The following ZSCAN5A variants were observed in gnomAD, a reference collection of about 807,000 sequenced individuals.
ZSCAN5A encodes the protein zinc finger and SCAN domain-containing protein 5A.
Under a neutral mutation model 23.7 loss-of-function variants are expected in ZSCAN5A, and 12 were observed. That is an observed-to-expected ratio of 0.51 (90% confidence interval 0.32 to 0.82). The LOEUF is 0.82. ZSCAN5A is among the 40% of genes least tolerant of loss of function. The pLI is 0.03. For synonymous variants in ZSCAN5A, 257 were observed against 239.9 expected (o/e 1.07, Z -0.66); for missense variants, 597 against 617.9 (o/e 0.97, Z 0.36).
At chr19:56,335,244 GAAAA>G (rs34944246) in intron 2 of ZSCAN5A, among the ~76,000 whole-genome samples, 2 of 146,952 alleles carry the variant, frequency 1.4e-5, no homozygotes, top group African/African-American at 4.9e-5. Context: ...GACAAGGATA[GAAAA>G]AAAAAAAAGA....
At chr19:56,275,069 A>G (rs570961576) in intron 2 of ZSCAN5A, among the ~76,000 whole-genome samples, 39 of 152,330 alleles carry the variant, frequency 2.6e-4, no homozygotes, top group Non-Finnish European at 4.4e-4. Flanking sequence ...CAGGGACCAC[A>G]TGATGTTGAT....
At chr19:56,367,975 C>T (rs376597588) in intron 1 of ZSCAN5A, 38 of 152,488 alleles carry the variant, frequency 2.5e-4, no homozygotes, top group East Asian at 2.3e-3. Flanking sequence ...ATCATAGGCC[C>T]TTCCCCCCCT....
chr19:56,344,580 G>A (rs1472867542), intron 2 of ZSCAN5A, among the ~76,000 whole-genome samples: 1 of 152,012 alleles, frequency 6.6e-6, no homozygotes, highest in African/African-American at 2.4e-5. Context: ...AGACCATCCT[G>A]GCTAACACGG....
At chr19:56,362,500 C>T (rs191988286) in intron 2 of ZSCAN5A, among the ~76,000 whole-genome samples, 6 of 152,104 alleles carry the variant, frequency 3.9e-5, no homozygotes, top group Non-Finnish European at 8.8e-5. Flanking sequence ...GCCCAGGAGG[C>T]AGAGGTTGCA....
intron 2 of ZSCAN5A, chr19:56,297,764 T>A (rs183175678): frequency 6.6e-6 from 1 of 152,404 alleles, no homozygotes; most frequent in East Asian, 1.9e-4. Context: ...GTGGGAGACA[T>A]TTCTATCCCA....
chr19:56,242,478 T>C (rs1379516204), intron 2 of ZSCAN5A, among the ~76,000 whole-genome samples: 1 of 152,138 alleles, frequency 6.6e-6, no homozygotes, highest in Non-Finnish European at 1.5e-5. Flanking sequence ...TGGGTTGTCT[T>C]CCCCCTCTGC....
rs761021820 is a variant in ZSCAN5A at position 56,246,515 on chromosome 19, G to C, written c.-127-21342C>G. 1.5e-5 allele frequency: 10 copies of C among 661,396 alleles called. No individual in the cohort carries two copies. In the East Asian group the frequency reaches 2.6e-4, roughly 17 times the overall value. 41.0% of individuals were successfully genotyped at this position (661,396 alleles called of 1,614,324 possible). A position where few individuals can be genotyped will look rare whatever the true frequency, so the allele number is the denominator to read the frequency against. On this transcript the variant is annotated intron_variant, in intron 2 of 5. Transcript: ENST00000683990. Reference sequence around the variant, plus strand: ...CAGGGGTTAGCCCCTCTCTTCTGGGGTGTGGGGCTGGGGTCCCAGCATTAT... The same window carrying C: ...CAGGGGTTAGCCCCTCTCTTCTGGGCTGTGGGGCTGGGGTCCCAGCATTAT...
At chr19:56,319,288 G>A (rs1430031581), upstream of ZSCAN5A, among the ~76,000 whole-genome samples, 1 of 151,928 alleles carries the variant, frequency 6.6e-6, no homozygotes, top group Non-Finnish European at 1.5e-5. Context: ...ACGAGGTCAG[G>A]AGTTTGAGAC....
At chr19:56,272,888 G>A (rs1242818226) in intron 2 of ZSCAN5A, 1 of 985,260 alleles carries the variant, frequency 1.0e-6, no homozygotes, top group Admixed American at 6.1e-5. Context: ...TGCTTTTCCT[G>A]GGATTGGCAG....
At chr19:56,281,911 A>G (rs1033395862) in intron 2 of ZSCAN5A, among the ~76,000 whole-genome samples, 1 of 152,222 alleles carries the variant, frequency 6.6e-6, no homozygotes, top group Non-Finnish European at 1.5e-5. Context: ...GAGGAGGCCA[A>G]CAAGCCTCTG....
chr19:56,300,624 T>C (rs1441432608), intron 2 of ZSCAN5A, among the ~76,000 whole-genome samples: 1 of 152,118 alleles, frequency 6.6e-6, no homozygotes, highest in Non-Finnish European at 1.5e-5. Flanking sequence ...AGAGAGAGAC[T>C]TGCAATGGCA....
intron 2 of ZSCAN5A, chr19:56,272,836 T>C (rs2037952523): frequency 1.0e-6 from 1 of 984,736 alleles, no homozygotes; most frequent in Admixed American, 6.1e-5. Flanking sequence ...AGCCCCATCA[T>C]GCACAGATCA....
intron 2 of ZSCAN5A, among the ~76,000 whole-genome samples, chr19:56,259,107 T>C (rs546350709): frequency 6.6e-6 from 1 of 152,326 alleles, no homozygotes; most frequent in South Asian, 2.1e-4. Context: ...ACAGAGATAC[T>C]AAAAGCACTG....
rs1296155823 is a variant in ZSCAN5A, at chr19:56,352,639, G to C, written c.-358+10596C>G. Among the ~76,000 whole-genome samples the C allele has an allele frequency of 6.6e-6, 1 of 152,242 alleles. No homozygotes were observed. The highest frequency in any genetic ancestry group is 1.5e-5 in the Non-Finnish European group (1 of 68,038). On this transcript the variant is annotated intron_variant, in intron 2 of 6. Transcript: ENST00000587340. The surrounding 1 kb of genome is among the most constrained non-coding windows in gnomAD (Gnocchi z 4.2). ...GACAATTATCAAAGTAAGGCGGTCAGTGGGTGGGAAATTACAAAGAACAAC... is the reference window on the plus strand; with the variant it reads ...GACAATTATCAAAGTAAGGCGGTCACTGGGTGGGAAATTACAAAGAACAAC...
At chr19:56,336,354 T>C (rs2041536137) in intron 2 of ZSCAN5A, among the ~76,000 whole-genome samples, 1 of 152,176 alleles carries the variant, frequency 6.6e-6, no homozygotes, top group African/African-American at 2.4e-5. Flanking sequence ...TTGCTGATAC[T>C]CTTTCTTCCA....
intron 2 of ZSCAN5A, among the ~76,000 whole-genome samples, chr19:56,325,327 C>A (rs569937418): frequency 6.6e-6 from 1 of 152,330 alleles, no homozygotes; most frequent in African/African-American, 2.4e-5. Flanking sequence ...TCCCCAGAAA[C>A]TGTCTTCCTT....
chr19:56,326,653 A>G (rs1338115695), intron 2 of ZSCAN5A, among the ~76,000 whole-genome samples: 1 of 152,132 alleles, frequency 6.6e-6, no homozygotes, highest in Non-Finnish European at 1.5e-5. Flanking sequence ...TGGGCGATTA[A>G]CTGCAAATGA....
chr19:56,271,110 TA>T (rs1372297227), intron 2 of ZSCAN5A, among the ~76,000 whole-genome samples: 1 of 152,252 alleles, frequency 6.6e-6, no homozygotes, highest in African/African-American at 2.4e-5. Flanking sequence ...GCTGTGCTGG[TA>T]ATGAGGCTGC....
intron 2 of ZSCAN5A, among the ~76,000 whole-genome samples, chr19:56,329,866 A>T (rs1011667291): frequency 2.6e-5 from 4 of 152,316 alleles, no homozygotes; most frequent in Admixed American, 6.5e-5. Flanking sequence ...AGGTTCATGG[A>T]ATACATGAGT....
Sources: allele counts gnomAD v4.1 joint callset (sites outside exome capture counted in the v4.1 genomes callset), GRCh38; gene constraint gnomAD v4.1.1; non-coding constraint Gnocchi (gnomAD v3.1); transcripts MANE v1.5; gene names NCBI Gene and HGNC (gene_info 2026-07-23, HGNC 2026-07-21).